ZNF678: variants seen among roughly 807,000 people sequenced by gnomAD.
ZNF678 encodes the protein hypothetical protein MGC42493.
Under a neutral mutation model 3.0 loss-of-function variants are expected in ZNF678, and 5 were observed. The observed-to-expected ratio is 1.69, with a 90% CI of 0.88 to 3.56. The LOEUF (loss-of-function observed/expected upper bound fraction) is 3.56. ZNF678 is among the 30% of genes most tolerant of loss of function. The pLI, the probability that ZNF678 is intolerant of heterozygous loss-of-function variation, is 0.00. For missense variants in ZNF678, 593 were observed against 605.0 expected (o/e 0.98, Z 0.21); for synonymous variants, 218 against 199.6 (o/e 1.09, Z -0.78).
chr1:227,659,920 C>G lies in ZNF678; in HGVS notation c.*4092C>G, dbSNP rs541747187. 4 of 152,048 alleles carry G rather than the reference C, an allele frequency of 2.6e-5. No individual in the cohort carries two copies. In the East Asian group the frequency reaches 7.7e-4, roughly 29 times the overall value. 9.4% of individuals were successfully genotyped at this position (152,048 alleles called of 1,614,324 possible). On this transcript the variant is annotated 3_prime_UTR_variant, in exon 4 of 4. Coordinates refer to ENST00000343776, the MANE Select transcript of ZNF678 (RefSeq NM_001367909.1). Reference sequence around the variant, plus strand: ...AATATATTCTCAATAACTGTATTCACTCTGCACTACAATAGGTCTCTTGAA... The same window carrying G: ...AATATATTCTCAATAACTGTATTCAGTCTGCACTACAATAGGTCTCTTGAA...
At chr1:227,646,475 T>C (rs1558153940) in intron 1 of ZNF678, 69 bp from the exon 2 acceptor site, 16 of 1,320,270 alleles carry the variant, frequency 1.2e-5, no homozygotes, top group African/African-American at 1.5e-5. Context: ...CTCTCTTCAG[T>C]TGGAGTCAAA....
rs1176670531 is a variant in ZNF678 at position 227,660,753 on chromosome 1, T to C, written c.*4925T>C. Reference sequence around the variant, plus strand: ...TCAGTAGCATGTTAAATAAGAGTGATGAAGTTAGATATATTTGCCTTACTA... The same window carrying C: ...TCAGTAGCATGTTAAATAAGAGTGACGAAGTTAGATATATTTGCCTTACTA... On this transcript the variant is annotated 3_prime_UTR_variant, in exon 4 of 4. Coordinates refer to ENST00000343776, the MANE Select transcript of ZNF678 (RefSeq NM_001367909.1). The C allele has an allele frequency of 6.6e-6, 1 of 152,192 alleles. No homozygotes were observed. The highest frequency in any genetic ancestry group is 2.1e-4 in the South Asian group (1 of 4,830). The allele number at this position is 152,192 out of a possible 1,614,324, so 9.4% of individuals were successfully genotyped here. A position where few individuals can be genotyped will look rare whatever the true frequency, so the allele number is the denominator to read the frequency against.
At chr1:227,575,093 A>G (rs6662898) in intron 1 of ZNF678, among the ~76,000 whole-genome samples, 149,420 of 152,240 alleles carry the variant, frequency 0.98, 73,384 homozygotes, top group Middle Eastern at 1. Context: ...TTTCTGTTCT[A>G]TTCCATTGGT....
chr1:227,596,860 C>A (rs1657604215), intron 1 of ZNF678, among the ~76,000 whole-genome samples: 1 of 151,982 alleles, frequency 6.6e-6, no homozygotes, highest in South Asian at 2.1e-4. Context: ...GAATAAATAG[C>A]TATTTTACTT....
At chr1:227,675,545 C>T (rs1267977939) in intron 5 of ZNF678, among the ~76,000 whole-genome samples, 1 of 152,012 alleles carries the variant, frequency 6.6e-6, no homozygotes, top group Admixed American at 6.6e-5. Flanking sequence ...TGTGTTTATT[C>T]AAACTAGAGG....
intron 1 of ZNF678, among the ~76,000 whole-genome samples, chr1:227,565,359 T>A (rs971645378): frequency 6.6e-6 from 1 of 152,086 alleles, no homozygotes; most frequent in Admixed American, 6.5e-5. Flanking sequence ...CCACCACGCC[T>A]GACTTGTTGT....
At chr1:227,668,268 G>A (rs183465414) in intron 5 of ZNF678, among the ~76,000 whole-genome samples, 10 of 152,186 alleles carry the variant, frequency 6.6e-5, no homozygotes, top group Admixed American at 6.5e-4. Context: ...TATAATTAGC[G>A]ATTTAATTTC....
chr1:227,598,122 T>G (rs557636928), intron 1 of ZNF678, among the ~76,000 whole-genome samples: 3 of 152,340 alleles, frequency 2.0e-5, no homozygotes, highest in East Asian at 1.9e-4. Flanking sequence ...TTCTGTTGGT[T>G]TATCCTAGGA....
At chr1:227,565,783 G>A (rs1656666802) in intron 1 of ZNF678, among the ~76,000 whole-genome samples, 1 of 151,756 alleles carries the variant, frequency 6.6e-6, no homozygotes, top group Admixed American at 6.6e-5. Context: ...TTTTTGAGAC[G>A]GAGTCTCGCT....
At position 227,655,234 on chromosome 1, in the gene ZNF678, A is replaced by G. The variant is rs773613784; in HGVS notation, c.984A>G (p.Lys328=). ...EKPYQCEECG[K]TFNRCSHLSS... ...CCTACCAATGTGAAGAATGTGGCAAAACTTTTAATCGGTGTTCACACCTAA... is the reference window on the plus strand; with the variant it reads ...CCTACCAATGTGAAGAATGTGGCAAGACTTTTAATCGGTGTTCACACCTAA... The change falls in exon 4 of 4, where the codon AAA becomes AAG. Residue 328 remains lysine (K), a synonymous_variant. Coordinates refer to ENST00000343776, the MANE Select transcript of ZNF678 (RefSeq NM_001367909.1). The G allele has an allele frequency of 6.2e-7, 1 of 1,612,532 alleles. No individual in the cohort carries two copies. Among genetic ancestry groups the G allele is most frequent in the Non-Finnish European group, 8.5e-7 (1 of 1,179,396 alleles).
chr1:227,634,154 A>G (rs1658619296), intron 1 of ZNF678, among the ~76,000 whole-genome samples: 1 of 152,200 alleles, frequency 6.6e-6, no homozygotes, highest in Admixed American at 6.5e-5. Context: ...CTTGAAGGGA[A>G]AGACCCAGTC....
At chr1:227,609,663 A>G (rs903999812) in intron 1 of ZNF678, among the ~76,000 whole-genome samples, 9 of 152,174 alleles carry the variant, frequency 5.9e-5, no homozygotes, top group Admixed American at 2.0e-4. Flanking sequence ...TCCAACATCA[A>G]TATTTGAAAC....
rs140942455 is a variant in ZNF678 at position 227,609,509 on chromosome 1, A to G, written c.-163-37035A>G. Reference sequence around the variant, plus strand: ...ATTCTCCACCCTCCAATAGGCCCCAATGTGTGTTGCTCCCCTCTGTTTTAA... The same window carrying G: ...ATTCTCCACCCTCCAATAGGCCCCAGTGTGTGTTGCTCCCCTCTGTTTTAA... On this transcript the variant is annotated intron_variant, in intron 1 of 3. Transcript: ENST00000343776. 7.1e-3 allele frequency among the ~76,000 whole-genome samples: 1,084 copies of G among 152,250 alleles called. 10 individuals carry two copies. The highest frequency in any genetic ancestry group is 0.025 in the African/African-American group (1,036 of 41,568).
chr1:227,563,792 G>C, intron 1 of ZNF678, 68 bp downstream of exon 1: 21 of 1,283,702 alleles, frequency 1.6e-5, no homozygotes, highest in East Asian at 5.6e-5. Flanking sequence ...TAGAGTCCGC[G>C]GCCCGGAGTC....
intron 1 of ZNF678, among the ~76,000 whole-genome samples, chr1:227,630,091 A>G (rs1479632757): frequency 1.3e-5 from 2 of 152,184 alleles, no homozygotes; most frequent in Non-Finnish European, 2.9e-5. Flanking sequence ...TAATGTCTGC[A>G]GCTGACTGAG....
intron 1 of ZNF678, among the ~76,000 whole-genome samples, chr1:227,588,753 C>T (rs759182099): frequency 2.0e-5 from 3 of 152,074 alleles, no homozygotes; most frequent in Non-Finnish European, 4.4e-5. Context: ...GATCCACCTG[C>T]CTCGGCCTCC....
intron 1 of ZNF678, among the ~76,000 whole-genome samples, chr1:227,626,289 C>T (rs1404640764): frequency 6.6e-6 from 1 of 152,142 alleles, no homozygotes; most frequent in African/African-American, 2.4e-5. Context: ...TTTCTGGTTC[C>T]TTTGGCAGTA....
At chr1:227,671,181 A>G (rs1325412404) in intron 5 of ZNF678, among the ~76,000 whole-genome samples, 1 of 149,968 alleles carries the variant, frequency 6.7e-6, no homozygotes, top group Non-Finnish European at 1.5e-5. Context: ...GGCTTAAGCA[A>G]TCCTCTTGCC....
At chr1:227,667,066 CAG>C (rs1428894200), downstream of ZNF678, among the ~76,000 whole-genome samples, 1 of 150,000 alleles carries the variant, frequency 6.7e-6, no homozygotes, top group Middle Eastern at 3.2e-3. Flanking sequence ...TTTTTTTAAA[CAG>C]AAACTCATTT....
Sources: gnomAD v4.1 joint callset for allele counts (sites outside exome capture counted in the v4.1 genomes callset) on GRCh38, gnomAD v4.1.1 for gene constraint, MANE v1.5 for transcripts, NCBI Gene and HGNC (gene_info 2026-07-23, HGNC 2026-07-21) for gene names.